Variants in TMTC1 observed in about 807,000 individuals in gnomAD.
The protein encoded by TMTC1 is protein O-mannosyl-transferase TMTC1.
A neutral mutation model predicts 104.8 loss-of-function variants in TMTC1; 73 were observed. The observed-to-expected ratio is 0.70, with a 90% CI of 0.58 to 0.85. The LOEUF (loss-of-function observed/expected upper bound fraction) is 0.85. TMTC1 is among the 40% of genes least tolerant of loss of function. The probability of loss-of-function intolerance (pLI) is 0.00; values close to 1 mark genes in which losing one functional copy is unlikely to be tolerated. For missense variants in TMTC1, 1,035 were observed against 1,096.1 expected, an observed-to-expected ratio of 0.94 and a Z score of 0.79; for synonymous variants, 434 against 428.7, an observed-to-expected ratio of 1.01 and a Z score of -0.15.
chr12:29,742,895 TCAAA>T (rs1192239157), intron 5 of TMTC1, among the ~76,000 whole-genome samples: 1 of 152,098 alleles, frequency 6.6e-6, no homozygotes, highest in African/African-American at 2.4e-5. Flanking sequence ...TACCATAAAG[TCAAA>T]CAAAGACTAT....
chr12:29,749,597 CCT>C lies in TMTC1; in HGVS notation c.938+2067_938+2068del, dbSNP rs946467165. On this transcript the variant is annotated intron_variant, in intron 5 of 17. Transcript: ENST00000539277. Reference sequence around the variant, plus strand: ...TTCCCCAATTGTTTCACCTTCTTTCCCTCCATGGCCCTCAACAAAAATGTCCA... The same window carrying C: ...TTCCCCAATTGTTTCACCTTCTTTCCCCATGGCCCTCAACAAAAATGTCCA... Among the ~76,000 whole-genome samples, 41 of 152,248 alleles carry C rather than the reference CCT, an allele frequency of 2.7e-4. 1 individual carries two copies. The highest frequency in any genetic ancestry group is 2.7e-3 in the Admixed American group (41 of 15,304).
At chr12:29,646,022 A>C (rs946861053) in intron 5 of TMTC1, among the ~76,000 whole-genome samples, 49 of 152,214 alleles carry the variant, frequency 3.2e-4, no homozygotes, top group African/African-American at 1.2e-3. Flanking sequence ...CACATATGAC[A>C]GAGTTTTCTG....
In TMTC1 at chr12:29,661,419, ATTTTTTTT is replaced by A. The variant is rs773889232; in HGVS notation, c.939-28091_939-28084del. 1.5e-3 allele frequency: 571 copies of A among 371,544 alleles called. 3 individuals are homozygous for A. The South Asian group carries it at 0.03, about 20-fold the overall frequency. 23.0% of individuals were successfully genotyped at this position (371,544 alleles called of 1,614,324 possible). On this transcript the variant is annotated intron_variant, in intron 5 of 17. Transcript: ENST00000539277. ...TGCCAAGGTTGTAGGAGGTTAAGTA[ATTTTTTTT>A]TTTTTTTTTTTTTGAGACGGAGTTT... is the stretch of plus-strand genomic sequence containing the variant.
At chr12:29,648,017 G>C (rs1221055983) in intron 5 of TMTC1, among the ~76,000 whole-genome samples, 3 of 152,134 alleles carry the variant, frequency 2.0e-5, no homozygotes, top group African/African-American at 7.2e-5. Context: ...AGCCATACTT[G>C]GGCTTTTGTT....
chr12:29,777,624 A>G (rs1289318796), intron 1 of TMTC1, among the ~76,000 whole-genome samples: 1 of 152,170 alleles, frequency 6.6e-6, no homozygotes, highest in Non-Finnish European at 1.5e-5. Flanking sequence ...TCTATAAAGT[A>G]TATCCTACTA....
chr12:29,645,812 T>C (rs972491630), intron 5 of TMTC1, among the ~76,000 whole-genome samples: 1 of 152,212 alleles, frequency 6.6e-6, no homozygotes, highest in Non-Finnish European at 1.5e-5. Flanking sequence ...TGTTGGTCTA[T>C]TAATGAACCG....
intron 5 of TMTC1, among the ~76,000 whole-genome samples, chr12:29,641,821 C>T (rs1416919811): frequency 6.6e-6 from 1 of 151,992 alleles, no homozygotes; most frequent in Non-Finnish European, 1.5e-5. Flanking sequence ...AAAGGCAAAG[C>T]CCAATGCAAG....
At chr12:29,558,476 G>A (rs968091029) in intron 9 of TMTC1, among the ~76,000 whole-genome samples, 3 of 152,036 alleles carry the variant, frequency 2.0e-5, no homozygotes, top group Non-Finnish European at 2.9e-5. Flanking sequence ...TTGACCCTTC[G>A]CTACTCCCTT....
At chr12:29,768,207 T>C (rs930132493) in intron 1 of TMTC1, 132 bp from the exon 2 acceptor site, 4 of 738,274 alleles carry the variant, frequency 5.4e-6, no homozygotes, top group Non-Finnish European at 8.4e-6. Context: ...ATTCCCAACA[T>C]TGGGTTATTT....
chr12:29,643,781 T>G (rs1247237743), intron 5 of TMTC1, among the ~76,000 whole-genome samples: 5 of 31,888 alleles, frequency 1.6e-4, no homozygotes, highest in Non-Finnish European at 2.2e-4. Context: ...ATTTATATAT[T>G]TATATATATT....
intron 8 of TMTC1, among the ~76,000 whole-genome samples, chr12:29,575,188 A>AG (rs1296487821): frequency 6.6e-6 from 1 of 152,130 alleles, no homozygotes; most frequent in African/African-American, 2.4e-5. Context: ...GGAAGGTGGC[A>AG]GGGGGAATGA....
At chr12:29,657,129 T>C (rs1473090924) in intron 5 of TMTC1, among the ~76,000 whole-genome samples, 2 of 152,244 alleles carry the variant, frequency 1.3e-5, no homozygotes, top group Admixed American at 1.3e-4. Context: ...GAACATGCTA[T>C]GTCTAACTAC....
At chr12:29,535,190 G>A (rs532885941) in intron 11 of TMTC1, 5 of 152,326 alleles carry the variant, frequency 3.3e-5, no homozygotes, top group Admixed American at 3.3e-4. Context: ...CTCTGTGTCT[G>A]TTTCAACACA....
chr12:29,712,775 T>C (rs1941964107), intron 5 of TMTC1, among the ~76,000 whole-genome samples: 2 of 152,226 alleles, frequency 1.3e-5, no homozygotes, highest in African/African-American at 2.4e-5. Flanking sequence ...GCTTTCCAGA[T>C]AATTGCAGAC....
At chr12:29,520,790 G>C in intron 11 of TMTC1, 70 bp from the exon 12 acceptor site, 1 of 1,282,898 alleles carries the variant, frequency 7.8e-7, no homozygotes, top group Non-Finnish European at 1.1e-6. Context: ...TGAATATTAG[G>C]AGCAGGAAAA....
At chr12:29,617,506 T>TG (rs1947014788) in intron 6 of TMTC1, among the ~76,000 whole-genome samples, 1 of 149,066 alleles carries the variant, frequency 6.7e-6, no homozygotes, top group Non-Finnish European at 1.5e-5. Context: ...TCTAGGCTCT[T>TG]GGGAAAACAT....
intron 11 of TMTC1, among the ~76,000 whole-genome samples, chr12:29,529,255 C>T (rs1452247840): frequency 6.6e-6 from 1 of 152,024 alleles, no homozygotes; most frequent in Non-Finnish European, 1.5e-5. Flanking sequence ...CTCCAGTCAA[C>T]AATTAGCAAA....
chr12:29,738,305 T>C (rs1256542098), intron 5 of TMTC1, among the ~76,000 whole-genome samples: 4 of 152,134 alleles, frequency 2.6e-5, no homozygotes, highest in Non-Finnish European at 4.4e-5. Flanking sequence ...AGGAAGGAAA[T>C]TCTAAAATCA....
intron 10 of TMTC1, among the ~76,000 whole-genome samples, chr12:29,551,084 T>C (rs1048339803): frequency 2.0e-5 from 3 of 151,136 alleles, no homozygotes; most frequent in Non-Finnish European, 2.9e-5. Flanking sequence ...AACAGGTCAC[T>C]ACCACAGGGG....
Sources: gnomAD v4.1 joint callset for allele counts (sites outside exome capture counted in the v4.1 genomes callset) on GRCh38, gnomAD v4.1.1 for gene constraint, MANE v1.5 for transcripts, NCBI Gene and HGNC (gene_info 2026-07-23, HGNC 2026-07-21) for gene names.